FSTL5: variants seen among roughly 807,000 people sequenced by gnomAD.
FSTL5 encodes the protein follistatin-related protein 5.
Under a neutral mutation model 89.1 loss-of-function variants are expected in FSTL5, and 62 were observed. The observed-to-expected ratio is 0.70, with a 90% CI of 0.57 to 0.86. The LOEUF is 0.86. FSTL5 is among the 40% of genes least tolerant of loss of function. The pLI is 0.00. For missense variants in FSTL5, 1,057 were observed against 1,001.6 expected (o/e 1.06, Z -0.75); for synonymous variants, 383 against 346.2 (o/e 1.11, Z -1.18).
At position 161,853,281 on chromosome 4, in the gene FSTL5, G is replaced by GTTT. The variant is rs1247982681; in HGVS notation, c.409+67120_409+67122dup. On this transcript the variant is annotated intron_variant, in intron 4 of 15. Coordinates refer to ENST00000306100, the MANE Select transcript of FSTL5 (RefSeq NM_020116.5). The stretch of plus-strand genomic sequence containing the variant: ...CTTGTTTGTTGTTGTTGTTGTTGTT[G>GTTT]TTTTGAGATGAAGTCTCACTCTGTT... Among the ~76,000 whole-genome samples the GTTT allele has an allele frequency of 2.0e-5, 3 of 152,068 alleles. No individual in the cohort carries two copies. The East Asian group carries it at 5.8e-4, about 30-fold the overall frequency.
chr4:161,592,612 T>C (rs931870809), intron 7 of FSTL5, among the ~76,000 whole-genome samples: 3 of 152,196 alleles, frequency 2.0e-5, no homozygotes, highest in African/African-American at 4.8e-5. Flanking sequence ...CTCATCCTTT[T>C]CTATGGCTGC....
chr4:161,869,206 T>G (rs532655095), intron 4 of FSTL5, among the ~76,000 whole-genome samples: 1 of 152,030 alleles, frequency 6.6e-6, no homozygotes, highest in South Asian at 2.1e-4. Flanking sequence ...CAAAAATAAA[T>G]AAATAAAGAA....
At position 161,775,959 on chromosome 4, in the gene FSTL5, C is replaced by T. The variant is rs750043035; in HGVS notation, c.525G>A (p.Arg175=). 10 of 1,608,056 alleles carry T rather than the reference C, an allele frequency of 6.2e-6. No individual in the cohort carries two copies. The highest frequency in any genetic ancestry group is 1.1e-5 in the South Asian group (1 of 90,024). The change falls in exon 5 of 16, where the codon CGG becomes CGA. Residue 175 remains arginine, a synonymous_variant. Coordinates refer to ENST00000306100, the MANE Select transcript of FSTL5 (RefSeq NM_020116.5). ...NENPNGDDIS[R]KKLLVDQMFK... ...ACATTTGATCCACCAATAGCTTCTT[C>T]CGAGATATGTCGTCGCCATTAGGAT...
chr4:161,563,211 G>C (rs56073704), intron 8 of FSTL5, among the ~76,000 whole-genome samples: 71,777 of 151,650 alleles, frequency 0.47, 17,225 homozygotes, highest in Middle Eastern at 0.59. Flanking sequence ...ACAAACACTT[G>C]GGTTGCTTCC....
At chr4:161,400,981 A>G (rs1333839987) in intron 15 of FSTL5, among the ~76,000 whole-genome samples, 2 of 152,132 alleles carry the variant, frequency 1.3e-5, no homozygotes, top group Admixed American at 6.5e-5. Context: ...TCAAAATGAC[A>G]CTTTTGATAA....
At chr4:161,929,321 C>A (rs1244537680) in intron 3 of FSTL5, among the ~76,000 whole-genome samples, 1 of 151,002 alleles carries the variant, frequency 6.6e-6, no homozygotes, top group African/African-American at 2.4e-5. Context: ...TTCCATCACT[C>A]TTTTTTTGTC....
chr4:161,463,458 A>C (rs1272206786), intron 13 of FSTL5, among the ~76,000 whole-genome samples: 2 of 152,220 alleles, frequency 1.3e-5, no homozygotes, highest in Non-Finnish European at 2.9e-5. Context: ...TTTCATCAAC[A>C]GAATCATATA....
chr4:161,935,238 T>C (rs980847579), intron 3 of FSTL5, among the ~76,000 whole-genome samples: 4 of 152,062 alleles, frequency 2.6e-5, no homozygotes, highest in African/African-American at 9.7e-5. Flanking sequence ...TCCAAGGCAG[T>C]AGGGAGAGAA....
intron 7 of FSTL5, among the ~76,000 whole-genome samples, chr4:161,604,904 G>A (rs901907941): frequency 7.9e-5 from 12 of 152,100 alleles, no homozygotes; most frequent in African/African-American, 1.9e-4. Context: ...TCTCACCCAC[G>A]GTTAAATAGG....
At chr4:161,468,581 T>C (rs1415319783) in intron 13 of FSTL5, among the ~76,000 whole-genome samples, 2 of 152,192 alleles carry the variant, frequency 1.3e-5, no homozygotes, top group African/African-American at 4.8e-5. Flanking sequence ...TTAATGAAGA[T>C]ACACATTTTT....
chr4:161,386,471 G>C, intron 15 of FSTL5, 22 bp from the exon 16 acceptor site: 3 of 1,536,558 alleles, frequency 2.0e-6, no homozygotes, highest in Non-Finnish European at 2.7e-6. Flanking sequence ...GAAAATCAGA[G>C]TTAGACAGGA....
In FSTL5 at chr4:161,416,618, G is replaced by C. The variant is rs1234311662; in HGVS notation, c.1842-30169C>G. 3.3e-5 allele frequency among the ~76,000 whole-genome samples: 5 copies of C among 152,068 alleles called. No homozygotes were observed. The East Asian group carries it at 9.7e-4, about 29-fold the overall frequency. On this transcript the variant is annotated intron_variant, in intron 15 of 15. Transcript: ENST00000306100. The stretch of plus-strand genomic sequence containing the variant: ...CCAGCACTTTGGGAGGCCCAGGTGG[G>C]GGGATCACAAGATCAGGAGATGGAG...
At chr4:161,857,285 G>A (rs1018829468) in intron 4 of FSTL5, among the ~76,000 whole-genome samples, 2 of 152,166 alleles carry the variant, frequency 1.3e-5, no homozygotes, top group African/African-American at 2.4e-5. Flanking sequence ...GTTGACTAAT[G>A]TATCTGCTGA....
chr4:161,882,218 G>A (rs1456521163), intron 4 of FSTL5, among the ~76,000 whole-genome samples: 1 of 151,954 alleles, frequency 6.6e-6, no homozygotes, highest in African/African-American at 2.4e-5. Context: ...GAGCACTACA[G>A]TGTAACATTC....
chr4:161,686,316 A>G (rs1737715730), intron 6 of FSTL5, among the ~76,000 whole-genome samples: 1 of 4,082 alleles, frequency 2.4e-4, no homozygotes, highest in Admixed American at 6.3e-3. Context: ...ATATATATAT[A>G]TATATATATA....
intron 3 of FSTL5, among the ~76,000 whole-genome samples, chr4:161,969,307 C>A (rs985986344): frequency 6.6e-6 from 1 of 152,104 alleles, no homozygotes; most frequent in East Asian, 1.9e-4. Flanking sequence ...ATTTTATCCA[C>A]CCAAGTGTTG....
intron 8 of FSTL5, among the ~76,000 whole-genome samples, chr4:161,544,378 A>T (rs1246728176): frequency 6.6e-6 from 1 of 152,014 alleles, no homozygotes; most frequent in Non-Finnish European, 1.5e-5. Context: ...GAGGTATCTG[A>T]CACAAACGTT....
chr4:161,755,780 A>G (rs970245458), intron 6 of FSTL5, among the ~76,000 whole-genome samples: 8 of 152,112 alleles, frequency 5.3e-5, no homozygotes, highest in African/African-American at 1.7e-4. Context: ...ACAAAGGTAC[A>G]TAATACATGA....
At chr4:161,889,299 G>A (rs1732912397) in intron 4 of FSTL5, among the ~76,000 whole-genome samples, 1 of 152,160 alleles carries the variant, frequency 6.6e-6, no homozygotes, top group South Asian at 2.1e-4. Context: ...TTTGATTGGC[G>A]AGAAGTGCAG....
Sources: allele counts gnomAD v4.1 joint callset (sites outside exome capture counted in the v4.1 genomes callset), GRCh38; gene constraint gnomAD v4.1.1; transcripts MANE v1.5; gene names NCBI Gene and HGNC (gene_info 2026-07-23, HGNC 2026-07-21).